The following SHISA9 variants were observed in gnomAD, a reference collection of about 807,000 sequenced individuals.
SHISA9 encodes shisa family member 9, also known as protein shisa-9.
SHISA9 carries 13 observed loss-of-function variants against 38.0 expected under a neutral mutation model. The ratio of observed to expected loss-of-function variants is 0.34; its 90% confidence interval spans 0.22 to 0.54. The LOEUF (loss-of-function observed/expected upper bound fraction) is 0.54, where lower values mean the gene tolerates loss of function less well. Ranked by LOEUF, SHISA9 falls within the 20% of genes least tolerant of loss-of-function variation. SHISA9 has a pLI of 0.91. For missense variants in SHISA9, 538 were observed against 575.8 expected (o/e 0.93, Z 0.67); for synonymous variants, 275 against 242.0 (o/e 1.14, Z -1.27).
chr16:13,085,196 C>T (rs1426569648), intron 2 of SHISA9, among the ~76,000 whole-genome samples: 1 of 152,112 alleles, frequency 6.6e-6, no homozygotes, highest in Non-Finnish European at 1.5e-5. Flanking sequence ...TCTTTTTCTT[C>T]AAAACACTTA....
chr16:12,926,725 C>T (rs1275563474), intron 2 of SHISA9, among the ~76,000 whole-genome samples: 1 of 152,168 alleles, frequency 6.6e-6, no homozygotes, highest in East Asian at 1.9e-4. Flanking sequence ...CTAGGATGGC[C>T]TTTCCTGAGA....
chr16:13,427,275 C>A, the SHISA9 span, among the ~76,000 whole-genome samples: 1 of 152,134 alleles, frequency 6.6e-6, no homozygotes, highest in Admixed American at 6.6e-5. Flanking sequence ...CATCCTTATC[C>A]TGCCTTTTAT....
the SHISA9 span, among the ~76,000 whole-genome samples, chr16:13,537,310 C>A: frequency 1.3e-5 from 2 of 151,828 alleles, no homozygotes; most frequent in Admixed American, 6.5e-5. Context: ...TGCCTGTAAT[C>A]CCAGCTACTC....
At chr16:12,921,762 T>C (rs1290461063) in intron 2 of SHISA9, among the ~76,000 whole-genome samples, 1 of 152,002 alleles carries the variant, frequency 6.6e-6, no homozygotes, top group Non-Finnish European at 1.5e-5. Flanking sequence ...TGAAACTCTG[T>C]CTCTATTAAA....
chr16:13,203,587 C>T (rs1254450660), intron 3 of SHISA9, 38 bp downstream of exon 3: 7 of 1,433,266 alleles, frequency 4.9e-6, no homozygotes, highest in Non-Finnish European at 9.2e-7. Context: ...TCTTTCTCCT[C>T]TTCGCTCTCC....
chr16:13,543,900 C>A, the SHISA9 span, among the ~76,000 whole-genome samples: 1 of 152,202 alleles, frequency 6.6e-6, no homozygotes, highest in East Asian at 1.9e-4. Flanking sequence ...ATATCTACCT[C>A]TTTTTCTGGG....
At chr16:13,240,992 G>T (rs557392192), downstream of SHISA9, among the ~76,000 whole-genome samples, 1 of 152,152 alleles carries the variant, frequency 6.6e-6, no homozygotes, top group African/African-American at 2.4e-5. Flanking sequence ...AGAAGAGTAT[G>T]ATATCATGTC....
At chr16:13,469,414 AAAGAAAGAAAAAGAAAGAAAG>A in the SHISA9 span, among the ~76,000 whole-genome samples, 26 of 116,184 alleles carry the variant, frequency 2.2e-4, no homozygotes, top group African/African-American at 7.9e-4. Flanking sequence ...AGAAAGAAAG[AAAGAAAGAAAAAGAAAGAAAG>A]AGAAAGAAAG....
intron 2 of SHISA9, among the ~76,000 whole-genome samples, chr16:13,176,105 T>TG (rs1411155833): frequency 6.6e-6 from 1 of 152,194 alleles, no homozygotes. Context: ...TTTCCGTGTT[T>TG]TTTTAATAAA....
chr16:13,080,095 C>T (rs191700005), intron 2 of SHISA9, among the ~76,000 whole-genome samples: 5 of 152,238 alleles, frequency 3.3e-5, no homozygotes, highest in East Asian at 3.9e-4. Flanking sequence ...ACCACTCAGC[C>T]GGGCGAAGTG....
At chr16:13,498,910 G>T in the SHISA9 span, among the ~76,000 whole-genome samples, 1 of 152,206 alleles carries the variant, frequency 6.6e-6, no homozygotes, top group Non-Finnish European at 1.5e-5. Flanking sequence ...AGCAGACACT[G>T]ATCTGGCCTG....
the SHISA9 span, among the ~76,000 whole-genome samples, chr16:13,344,842 C>T: frequency 6.6e-5 from 10 of 152,114 alleles, no homozygotes; most frequent in Admixed American, 6.5e-4. Flanking sequence ...TGTTCTTGGT[C>T]ATTACACTAT....
At chr16:13,231,984 C>T (rs112845211) in intron 4 of SHISA9, among the ~76,000 whole-genome samples, 2,281 of 152,298 alleles carry the variant, frequency 0.015, 22 homozygotes, top group Non-Finnish European at 0.02. Flanking sequence ...CCATCTTTTC[C>T]ACCTTCATTG....
the SHISA9 span, among the ~76,000 whole-genome samples, chr16:13,447,839 C>T: frequency 6.6e-6 from 1 of 152,118 alleles, no homozygotes; most frequent in Non-Finnish European, 1.5e-5. Flanking sequence ...ATCACAGCAC[C>T]TAATAAGGTC....
At chr16:13,117,783 T>C (rs576883957) in intron 2 of SHISA9, among the ~76,000 whole-genome samples, 6 of 152,316 alleles carry the variant, frequency 3.9e-5, no homozygotes, top group East Asian at 1.9e-4. Context: ...ACTCAGTTTG[T>C]GGTAATATGT....
intron 2 of SHISA9, among the ~76,000 whole-genome samples, chr16:13,064,595 A>T (rs1031648231): frequency 1.3e-5 from 2 of 152,250 alleles, no homozygotes; most frequent in Non-Finnish European, 2.9e-5. Flanking sequence ...ACAAATGTGC[A>T]CACTTTCCAG....
intron 2 of SHISA9, among the ~76,000 whole-genome samples, chr16:12,948,703 A>G (rs2071717289): frequency 2.0e-5 from 3 of 152,174 alleles, no homozygotes; most frequent in Admixed American, 2.0e-4. Context: ...CTCTACCCTC[A>G]TGAGCTAATC....
At chr16:13,012,963 C>A (rs993321922) in intron 2 of SHISA9, among the ~76,000 whole-genome samples, 5 of 152,168 alleles carry the variant, frequency 3.3e-5, no homozygotes, top group Non-Finnish European at 7.4e-5. Context: ...AGGCTATTTT[C>A]GGCATCCCGG....
chr16:13,175,185 A>G (rs1399176310), intron 2 of SHISA9, among the ~76,000 whole-genome samples: 3 of 151,756 alleles, frequency 2.0e-5, no homozygotes, highest in African/African-American at 7.3e-5. Context: ...TGGGAAACAC[A>G]GTGAGACCCC....
Sources: gnomAD v4.1 joint callset for allele counts (sites outside exome capture counted in the v4.1 genomes callset) on GRCh38, gnomAD v4.1.1 for gene constraint, MANE v1.5 for transcripts, NCBI Gene and HGNC (gene_info 2026-07-23, HGNC 2026-07-21) for gene names.